PCDHGB2: variants seen among roughly 807,000 people sequenced by gnomAD.
PCDHGB2 encodes the protein protocadherin gamma subfamily B, 2, also known as protocadherin gamma-B2.
A neutral mutation model predicts 59.3 loss-of-function variants in PCDHGB2; 55 were observed. The observed-to-expected ratio is 0.93, with a 90% CI of 0.75 to 1.16. The LOEUF (loss-of-function observed/expected upper bound fraction) is 1.16. Among genes scored for constraint, PCDHGB2 ranks in the 50% most tolerant of loss-of-function variants. The pLI is 0.00. For synonymous variants in PCDHGB2, 516 were observed against 512.0 expected (o/e 1.01, Z -0.11); for missense variants, 1,228 against 1,198.5 (o/e 1.02, Z -0.36).
In PCDHGB2 at chr5:141,422,312, C is replaced by T; in HGVS notation, c.2421+59756C>T. On this transcript the variant is annotated intron_variant, in intron 1 of 3. Coordinates refer to ENST00000522605, the MANE Select transcript of PCDHGB2 (RefSeq NM_018923.3). ...ATTAATTCAATTCTGGAAAACTCTC[C>T]TCCAGGTACAGTGATTGCTCTTCTA... The T allele has an allele frequency of 1.9e-6, 3 of 1,547,444 alleles. No individual in the cohort carries two copies. Among genetic ancestry groups the T allele is most frequent in the Non-Finnish European group, 1.7e-6 (2 of 1,153,976 alleles).
intron 2 of PCDHGB2, among the ~76,000 whole-genome samples, chr5:141,495,119 C>T (rs1024197360): frequency 3.9e-5 from 6 of 152,182 alleles, no homozygotes; most frequent in African/African-American, 1.4e-4. Context: ...CTTTTCCTAT[C>T]CCCTGAGGGC....
Position 141,362,175 on chromosome 5 carries a change from G to A in PCDHGB2, c.2040G>A (p.Glu680=), listed in dbSNP as rs1354338158. The change falls in exon 1 of 4, where the codon GAG becomes GAA. Residue 680 remains glutamate (E), a synonymous_variant. Transcript: ENST00000522605. ...EVLPDLSDRR[E]PSDPQAKLQF... ...TGCCAGACCTCAGCGACCGCCGGGA[G>A]CCCTCTGACCCCCAGGCAAAACTGC... 3 of 1,614,050 alleles carry A rather than the reference G, an allele frequency of 1.9e-6. No homozygotes were observed. Among genetic ancestry groups the A allele is most frequent in the South Asian group, 1.1e-5 (1 of 91,088 alleles).
rs1226558966 is a variant in PCDHGB2, at chr5:141,432,589, G to C, written c.2422-62218G>C. The C allele has an allele frequency of 6.2e-7, 1 of 1,613,916 alleles. No homozygotes were observed. The highest frequency in any genetic ancestry group is 8.5e-7 in the Non-Finnish European group (1 of 1,179,974). The stretch of plus-strand genomic sequence containing the variant: ...CCTGGCTGTCCTACCGTCTGCTCAA[G>C]GCCAGCGAGCCGGGACTCTTCTCGG... On this transcript the variant is annotated intron_variant, in intron 1 of 3. Coordinates refer to ENST00000522605, the MANE Select transcript of PCDHGB2 (RefSeq NM_018923.3). The surrounding 1 kb of genome is among the most constrained non-coding windows in gnomAD (Gnocchi z 6.0).
rs1266306917 is a variant in PCDHGB2 at position 141,403,005 on chromosome 5, C to A, written c.2421+40449C>A. ...CGCGGAAGATTAGTCCTGCTATGCTCGCTCCTGGGGATGCTATGGGAGGCC... is the reference window on the plus strand; with the variant it reads ...CGCGGAAGATTAGTCCTGCTATGCTAGCTCCTGGGGATGCTATGGGAGGCC... On this transcript the variant is annotated intron_variant, in intron 1 of 3. Transcript: ENST00000522605. The A allele has an allele frequency of 2.5e-6, 4 of 1,613,960 alleles. No homozygotes were observed. The East Asian group carries it at 8.9e-5, about 36-fold the overall frequency.
At chr5:141,398,818 C>G in intron 1 of PCDHGB2, 1 of 1,613,958 alleles carries the variant, frequency 6.2e-7, no homozygotes. Flanking sequence ...GCTCCGGATC[C>G]AGGTAACCGA....
At chr5:141,389,250 A>G (rs1365678326) in intron 1 of PCDHGB2, 16 of 1,614,012 alleles carry the variant, frequency 9.9e-6, no homozygotes, top group Middle Eastern at 1.6e-4. Flanking sequence ...GTCTTCCTAT[A>G]TAGTCCACGT....
intron 1 of PCDHGB2, chr5:141,422,453 G>GA: frequency 6.2e-7 from 1 of 1,611,704 alleles, no homozygotes. Context: ...ATAACAAGCA[G>GA]AGTGCTGGAC....
chr5:141,395,716 T>C (rs2093303538), intron 1 of PCDHGB2: 1 of 154,332 alleles, frequency 6.5e-6, no homozygotes, highest in Non-Finnish European at 1.4e-5. Context: ...AACTAGGCTC[T>C]TGTAGATTTC....
In PCDHGB2 at chr5:141,399,480, G is replaced by T. The variant is rs760135566; in HGVS notation, c.2421+36924G>T. ...ATAACGCTCCGGTTTTCCACCAGGC[G>T]TCCTACTTAGTCAGTGTACCCGAAA... On this transcript the variant is annotated intron_variant, in intron 1 of 3. Coordinates refer to ENST00000522605, the MANE Select transcript of PCDHGB2 (RefSeq NM_018923.3). The T allele has an allele frequency of 1.9e-5, 31 of 1,613,886 alleles. No homozygotes were observed. In the South Asian group the frequency reaches 3.2e-4, roughly 17 times the overall value.
intron 1 of PCDHGB2, chr5:141,364,891 T>C: frequency 1.2e-6 from 2 of 1,613,950 alleles, no homozygotes; most frequent in Middle Eastern, 1.6e-4. Flanking sequence ...GCGGAACTGA[T>C]GGACAAAAGT....
intron 1 of PCDHGB2, chr5:141,408,288 T>C (rs755091342): frequency 6.2e-7 from 1 of 1,613,234 alleles, no homozygotes; most frequent in Non-Finnish European, 8.5e-7. Context: ...TACCCCACCC[T>C]GAGTGAGCCG....
chr5:141,386,595 A>C (rs77368271), intron 1 of PCDHGB2, among the ~76,000 whole-genome samples: 1 of 146,110 alleles, frequency 6.8e-6, no homozygotes, highest in African/African-American at 2.5e-5. Context: ...TGGGGGATAC[A>C]TTTTTTTTTT....
At chr5:141,409,618 G>T (rs374484255) in intron 1 of PCDHGB2, 77 of 1,613,776 alleles carry the variant, frequency 4.8e-5, no homozygotes, top group Non-Finnish European at 6.3e-5. Context: ...CCTCCATTGC[G>T]CAAGTGAGCG....
In PCDHGB2 at chr5:141,363,308, G is replaced by A. The variant is rs144371866; in HGVS notation, c.2421+752G>A. ...ATTATATAGAATTTTTATTTTCTTA[G>A]TTTTCTATGAAAGTGTTATTAAATA... On this transcript the variant is annotated intron_variant, in intron 1 of 3. Transcript: ENST00000522605. Among the ~76,000 whole-genome samples, 211 of 152,094 alleles carry A rather than the reference G, an allele frequency of 1.4e-3. 2 individuals carry two copies. Among genetic ancestry groups the A allele is most frequent in the African/African-American group, 5.0e-3 (207 of 41,486 alleles).
chr5:141,413,049 A>C (rs2095599926), intron 1 of PCDHGB2: 5 of 904,176 alleles, frequency 5.5e-6, no homozygotes, highest in Non-Finnish European at 8.1e-6. Context: ...GCTGCAGGGA[A>C]GCTCACTCCA....
intron 1 of PCDHGB2, chr5:141,391,507 T>C (rs2092381186): frequency 6.6e-6 from 1 of 152,172 alleles, no homozygotes; most frequent in Non-Finnish European, 1.5e-5. Context: ...AGAAAATATT[T>C]TCTTTCACTA....
intron 1 of PCDHGB2, among the ~76,000 whole-genome samples, chr5:141,381,974 C>A (rs1049134937): frequency 6.6e-6 from 1 of 151,492 alleles, no homozygotes; most frequent in Non-Finnish European, 1.5e-5. Flanking sequence ...GGATTACAGG[C>A]GCGCGCCACC....
intron 1 of PCDHGB2, among the ~76,000 whole-genome samples, chr5:141,426,115 G>A (rs574477590): frequency 4.6e-5 from 7 of 152,364 alleles, no homozygotes; most frequent in South Asian, 2.1e-4. Flanking sequence ...GAAGCAAGTC[G>A]GAGAGTGGCC....
rs1762524993 is a variant in PCDHGB2 at position 141,362,471 on chromosome 5, A to T, written c.2336A>T (p.Asp779Val). 6 of 1,614,018 alleles carry T rather than the reference A, an allele frequency of 3.7e-6. No homozygotes were observed. The highest frequency in any genetic ancestry group is 5.1e-6 in the Non-Finnish European group (6 of 1,179,886). Residue 779 changes from aspartate (D) to valine (V), a missense_variant, in exon 1 of 4, where the codon GAT becomes GTT. Transcript: ENST00000522605. ...ACCCCGGAATTGGTTCCCGCGCAAG[A>T]TCTCGTCTGTGACAATGCCTCTTGG... ...NITPELVPAQ[D>V]LVCDNASWEQ... is the part of the protein sequence containing the mutation.
Sources: allele counts gnomAD v4.1 joint callset (sites outside exome capture counted in the v4.1 genomes callset), GRCh38; gene constraint gnomAD v4.1.1; non-coding constraint Gnocchi (gnomAD v3.1); transcripts MANE v1.5; gene names NCBI Gene and HGNC (gene_info 2026-07-23, HGNC 2026-07-21).